The following FAM120A variants were observed in gnomAD, a reference collection of about 807,000 sequenced individuals.
FAM120A encodes the protein family with sequence similarity 120 member A.
A neutral mutation model predicts 109.7 loss-of-function variants in FAM120A; 15 were observed. The observed-to-expected ratio is 0.14, with a 90% confidence interval of 0.09 to 0.21. The LOEUF (loss-of-function observed/expected upper bound fraction) is 0.21, where lower values mean the gene tolerates loss of function less well. Among genes scored for constraint, FAM120A ranks in the 10% least tolerant of loss-of-function variants. The probability of loss-of-function intolerance (pLI) is 1.00; values close to 1 mark genes in which losing one functional copy is unlikely to be tolerated. For synonymous variants in FAM120A, 493 were observed against 572.8 expected, an observed-to-expected ratio of 0.86 and a Z score of 1.99; for missense variants, 899 against 1,439.3, an observed-to-expected ratio of 0.62 and a Z score of 6.07.
intron 3 of FAM120A, among the ~76,000 whole-genome samples, chr9:93,494,317 C>T (rs776773164): frequency 1.3e-5 from 2 of 152,220 alleles, no homozygotes; most frequent in African/African-American, 4.8e-5. Context: ...ACCTAAGTCA[C>T]CGTCACCATC....
intron 3 of FAM120A, among the ~76,000 whole-genome samples, chr9:93,486,535 CTTTTTTT>C: frequency 7.2e-6 from 1 of 138,594 alleles, no homozygotes; most frequent in Middle Eastern, 3.7e-3. Flanking sequence ...TTTCTTTTTT[CTTTTTTT>C]TTTTTTTGAG....
intron 3 of FAM120A, among the ~76,000 whole-genome samples, chr9:93,495,123 C>T (rs1355313127): frequency 6.6e-6 from 1 of 152,176 alleles, no homozygotes; most frequent in Non-Finnish European, 1.5e-5. Context: ...GGGCAGCAGG[C>T]CCTCCGTGGC....
chr9:93,517,781 TC>T (rs1860664154), intron 7 of FAM120A, among the ~76,000 whole-genome samples: 2 of 152,164 alleles, frequency 1.3e-5, no homozygotes, highest in African/African-American at 4.8e-5. Context: ...AGGTGCTTGT[TC>T]CTCCGGTGGG....
At chr9:93,543,492 C>A (rs1417312872) in intron 11 of FAM120A, 21 bp downstream of exon 11, 1 of 1,607,184 alleles carries the variant, frequency 6.2e-7, no homozygotes, top group South Asian at 1.1e-5. Context: ...TGCATGGGAG[C>A]TGGGACCTGG....
At chr9:93,518,269 G>A (rs1441211535) in intron 7 of FAM120A, among the ~76,000 whole-genome samples, 1 of 151,778 alleles carries the variant, frequency 6.6e-6, no homozygotes, top group Admixed American at 6.6e-5. Context: ...GCTTGTGGCA[G>A]GTGCAGGGGT....
At chr9:93,563,948 T>G (rs1332179624) in intron 17 of FAM120A, among the ~76,000 whole-genome samples, 1 of 152,182 alleles carries the variant, frequency 6.6e-6, no homozygotes, top group Non-Finnish European at 1.5e-5. Flanking sequence ...AACAATTTAG[T>G]GCCATACAAA....
chr9:93,512,289 C>T (rs1164693191), intron 5 of FAM120A, among the ~76,000 whole-genome samples: 1 of 151,982 alleles, frequency 6.6e-6, no homozygotes, highest in Non-Finnish European at 1.5e-5. Context: ...AGAATTTTAC[C>T]GTATTTTAAT....
intron 5 of FAM120A, among the ~76,000 whole-genome samples, chr9:93,510,390 C>G (rs138159851): frequency 1.3e-5 from 2 of 152,120 alleles, no homozygotes; most frequent in Non-Finnish European, 2.9e-5. Flanking sequence ...GTGTGTCTTC[C>G]CAAAGTGGAT....
In FAM120A at chr9:93,532,534, C is replaced by G. The variant is rs1039419703; in HGVS notation, c.1909+205C>G. ...ACAGACTTTCTTCCTCAGTAACATT[C>G]CAATAATGATGTTTATTCAGTAAAA... On this transcript the variant is annotated intron_variant, in intron 10 of 17. Transcript: ENST00000277165. This position sits in a 1 kb window ranked among gnomAD's most constrained non-coding sequence, Gnocchi z 4.3. The G allele has an allele frequency of 6.9e-6, 4 of 582,920 alleles. No homozygotes were observed. The South Asian group carries it at 8.2e-5, about 12-fold the overall frequency. 36.1% of individuals were successfully genotyped at this position (582,920 alleles called of 1,614,324 possible).
rs41274402 is a variant in FAM120A, at chr9:93,527,109, G to A, written c.1419-46G>A. The A allele has an allele frequency of 2.9e-5, 44 of 1,530,640 alleles. No homozygotes were observed. The African/African-American group carries it at 5.2e-4, about 18-fold the overall frequency. The allele number at this position is 1,530,640 out of a possible 1,614,324, so 94.8% of individuals were successfully genotyped here. On this transcript the variant is annotated intron_variant, in intron 7 of 17. Coordinates refer to ENST00000277165, the MANE Select transcript of FAM120A (RefSeq NM_014612.5). ...AGGCCCTTCTTATCATTGTCAGCTG[G>A]TTTGTGAAAGTGATTGGACAGTAAT...
intron 3 of FAM120A, among the ~76,000 whole-genome samples, chr9:93,481,480 G>A (rs1014224904): frequency 2.6e-5 from 4 of 152,094 alleles, no homozygotes; most frequent in Non-Finnish European, 5.9e-5. Context: ...TCGTATTTGG[G>A]TATAATAACA....
intron 9 of FAM120A, chr9:93,530,331 G>C (rs913096019): frequency 1.3e-5 from 2 of 152,224 alleles, no homozygotes; most frequent in Non-Finnish European, 2.9e-5. Flanking sequence ...TCAGTTACTA[G>C]ATTAATCCTG....
intron 5 of FAM120A, among the ~76,000 whole-genome samples, chr9:93,514,404 T>G (rs1166148914): frequency 6.6e-6 from 1 of 152,214 alleles, no homozygotes; most frequent in African/African-American, 2.4e-5. Context: ...TATCTACTGC[T>G]TAAAGAGGGA....
rs191441920 is a variant in FAM120A, at chr9:93,544,583, A to C, written c.2159+1112A>C. Among the ~76,000 whole-genome samples, 13 of 152,264 alleles carry C rather than the reference A, an allele frequency of 8.5e-5. 1 individual carries two copies. Among genetic ancestry groups the C allele is most frequent in the Non-Finnish European group, 1.0e-4 (7 of 68,024 alleles). On this transcript the variant is annotated intron_variant, in intron 11 of 17. Coordinates refer to ENST00000277165, the MANE Select transcript of FAM120A (RefSeq NM_014612.5). ...GAAAAGTTGCAAGTACAATACAGAA[A>C]CCTTTTTTTTAACTTAAATACTTTA...
At chr9:93,519,765 CTT>C (rs1158469065) in intron 7 of FAM120A, among the ~76,000 whole-genome samples, 1 of 152,010 alleles carries the variant, frequency 6.6e-6, no homozygotes, top group Non-Finnish European at 1.5e-5. Context: ...CAGTGGCACT[CTT>C]TTAAAGGGTG....
chr9:93,558,817 CCTCCAGCAG>C, intron 15 of FAM120A, 99 bp downstream of exon 15: 1 of 1,385,042 alleles, frequency 7.2e-7, no homozygotes, highest in Non-Finnish European at 9.8e-7. Context: ...ATGAGCCCCT[CCTCCAGCAG>C]AACGGCCTTT....
rs1217421317 is a variant in FAM120A, at chr9:93,532,710, A to AG, written c.1909+383dup. ...GAAGCACAGATCTGCTCTCTCCAGAAGGCCAGGGTCCTGGAGAAAACTTCC... is the reference window on the plus strand; with the variant it reads ...GAAGCACAGATCTGCTCTCTCCAGAAGGGCCAGGGTCCTGGAGAAAACTTCC... On this transcript the variant is annotated intron_variant, in intron 10 of 17. Transcript: ENST00000277165. This position sits in a 1 kb window ranked among gnomAD's most constrained non-coding sequence, Gnocchi z 4.3. 2 of 217,986 alleles carry AG rather than the reference A, an allele frequency of 9.2e-6. No individual in the cohort carries two copies. The highest frequency in any genetic ancestry group is 1.9e-5 in the Non-Finnish European group (2 of 106,510). The allele number at this position is 217,986 out of a possible 1,614,324, so 13.5% of individuals were successfully genotyped here. A position where few individuals can be genotyped will look rare whatever the true frequency, so the allele number is the denominator to read the frequency against.
At chr9:93,543,496 G>T (rs768188246) in intron 11 of FAM120A, 25 bp downstream of exon 11, 10 of 1,606,708 alleles carry the variant, frequency 6.2e-6, no homozygotes, top group Admixed American at 1.7e-5. Context: ...TGGGAGCTGG[G>T]ACCTGGGTCC....
intron 5 of FAM120A, among the ~76,000 whole-genome samples, chr9:93,508,180 G>A (rs1006846230): frequency 2.0e-5 from 3 of 152,196 alleles, no homozygotes; most frequent in African/African-American, 7.2e-5. Context: ...GGGCATATGT[G>A]TAGAGCAGCC....
Sources: allele counts gnomAD v4.1 joint callset (sites outside exome capture counted in the v4.1 genomes callset), GRCh38; gene constraint gnomAD v4.1.1; non-coding constraint Gnocchi (gnomAD v3.1); transcripts MANE v1.5; gene names NCBI Gene and HGNC (gene_info 2026-07-23, HGNC 2026-07-21).